The following ALPK2 variants were observed in gnomAD, a reference collection of about 807,000 sequenced individuals.
ALPK2 encodes alpha-protein kinase 2.
In ALPK2, 127 loss-of-function variants were observed where a neutral mutation model predicts 163.1. That is an observed-to-expected ratio of 0.78 (90% CI 0.67 to 0.90). The LOEUF (loss-of-function observed/expected upper bound fraction) is 0.90. Among genes scored for constraint, ALPK2 ranks in the 40% least tolerant of loss-of-function variants. The pLI is 0.00. For missense variants in ALPK2, 2,360 were observed against 2,589.6 expected (o/e 0.91, Z 1.92); for synonymous variants, 953 against 959.1 (o/e 0.99, Z 0.12).
At chr18:58,503,865 C>T in intron 11 of ALPK2, 66 bp downstream of exon 11, 2 of 1,478,984 alleles carry the variant, frequency 1.4e-6, no homozygotes, top group Non-Finnish European at 1.9e-6. Flanking sequence ...TCCCCTCCCT[C>T]TCCACCCACA....
At chr18:58,482,191 T>A (rs1602178685) in intron 12 of ALPK2, 152 bp from the exon 13 acceptor site, 2 of 633,476 alleles carry the variant, frequency 3.2e-6, no homozygotes, top group South Asian at 3.9e-5. Context: ...GACACAACTA[T>A]AAGTGAAGGT....
At chr18:58,602,504 C>T (rs1372932283) in intron 3 of ALPK2, among the ~76,000 whole-genome samples, 5 of 152,158 alleles carry the variant, frequency 3.3e-5, no homozygotes, top group South Asian at 2.1e-4. Context: ...CAATTTTTGG[C>T]ATGTCTCGGC....
intron 12 of ALPK2, among the ~76,000 whole-genome samples, chr18:58,484,937 TGA>T (rs1319034340): frequency 4.6e-5 from 7 of 152,124 alleles, no homozygotes; most frequent in African/African-American, 1.4e-4. Flanking sequence ...ACTTTGAAGC[TGA>T]GAGTCAAAGC....
At chr18:58,486,877 C>T (rs2051341517) in intron 12 of ALPK2, among the ~76,000 whole-genome samples, 1 of 152,206 alleles carries the variant, frequency 6.6e-6, no homozygotes, top group Admixed American at 6.5e-5. Context: ...CAGATTCATT[C>T]AAAGGACATG....
intron 10 of ALPK2, among the ~76,000 whole-genome samples, chr18:58,514,494 G>C (rs2051510768): frequency 1.3e-5 from 2 of 152,176 alleles, no homozygotes; most frequent in African/African-American, 4.8e-5. Context: ...AGATAAAAGT[G>C]GGTGTGATTT....
intron 3 of ALPK2, among the ~76,000 whole-genome samples, chr18:58,595,950 G>A (rs371828479): frequency 3.2e-4 from 48 of 152,228 alleles, no homozygotes; most frequent in African/African-American, 1.1e-3. Flanking sequence ...TTCCAGCTTG[G>A]TGACTCCAAC....
intron 3 of ALPK2, among the ~76,000 whole-genome samples, chr18:58,590,472 G>T (rs944750383): frequency 1.3e-5 from 2 of 152,176 alleles, no homozygotes; most frequent in African/African-American, 4.8e-5. Flanking sequence ...CAGCAGGGAG[G>T]GGGAAGAGGG....
intron 2 of ALPK2, among the ~76,000 whole-genome samples, chr18:58,609,326 A>G (rs1039732281): frequency 3.9e-5 from 6 of 152,110 alleles, no homozygotes; most frequent in African/African-American, 1.4e-4. Context: ...GACACCAAAA[A>G]ATGGGCTTCC....
At chr18:58,605,936 A>T (rs1430869768) in intron 3 of ALPK2, among the ~76,000 whole-genome samples, 1 of 152,252 alleles carries the variant, frequency 6.6e-6, no homozygotes, top group Non-Finnish European at 1.5e-5. Flanking sequence ...AATGCTTGGC[A>T]TATGTAGGTG....
rs747942526 is a variant in ALPK2, at chr18:58,579,250, C to G, written c.1526G>C (p.Ser509Thr). ...LSGESENSGM[S>T]QCWETAADKR... ...GTCAGCTGCCGTCTCCCAACACTGG[C>G]TCATCCCTGAGTTTTCTGACTCACC... Residue 509 changes from serine (S) to threonine (T), a missense_variant, in exon 4 of 13, where the codon AGC becomes ACC. Physicochemically the swap from Ser to Thr is moderately conservative, Grantham distance 58. Coordinates refer to ENST00000361673, the MANE Select transcript of ALPK2 (RefSeq NM_052947.4). 1.9e-6 allele frequency: 3 copies of G among 1,614,186 alleles called. No individual in the cohort carries two copies. The Admixed American group carries it at 5.0e-5, about 27-fold the overall frequency.
chr18:58,484,504 T>G (rs1372291923), intron 12 of ALPK2, among the ~76,000 whole-genome samples: 1 of 152,168 alleles, frequency 6.6e-6, no homozygotes, highest in Non-Finnish European at 1.5e-5. Context: ...ATAATAATAA[T>G]GCCCACTGAG....
intron 6 of ALPK2, among the ~76,000 whole-genome samples, chr18:58,527,804 A>G (rs73445154): frequency 0.046 from 6,974 of 152,312 alleles, 305 homozygotes; most frequent in African/African-American, 0.11. Context: ...TATGCTATCA[A>G]TTACAATCCA....
At chr18:58,545,641 A>G (rs1378645222) in intron 4 of ALPK2, among the ~76,000 whole-genome samples, 1 of 152,264 alleles carries the variant, frequency 6.6e-6, no homozygotes, top group African/African-American at 2.4e-5. Context: ...CCCTAGCTTC[A>G]ACTGGTCAGT....
intron 4 of ALPK2, among the ~76,000 whole-genome samples, chr18:58,545,528 G>C (rs893783992): frequency 1.3e-5 from 2 of 152,172 alleles, no homozygotes; most frequent in Admixed American, 1.3e-4. Context: ...TAGAGTGGGG[G>C]AGGGAGAATG....
chr18:58,484,442 A>C (rs1418812286), intron 12 of ALPK2, among the ~76,000 whole-genome samples: 1 of 152,198 alleles, frequency 6.6e-6, no homozygotes. Context: ...GTAAACCTGG[A>C]CAATAATTGG....
chr18:58,607,417 A>C lies in ALPK2; in HGVS notation c.132T>G (p.Thr44=), dbSNP rs369375452. The C allele has an allele frequency of 6.2e-6, 10 of 1,612,948 alleles. No individual in the cohort carries two copies. The African/African-American group carries it at 1.2e-4, about 19-fold the overall frequency. The change falls in exon 3 of 13, where the codon ACT becomes ACG. Residue 44 remains threonine, a synonymous_variant. Transcript: ENST00000361673. The part of the protein sequence containing the change: ...IISGQPKPEV[T]WYKNGQAIDG... ...CGATGGCCTGACCATTCTTATACCA[A>C]GTTACCTCTGGCTTGGGCTGACCTG... is the stretch of plus-strand genomic sequence containing the variant.
chr18:58,613,706 AAAAAT>A lies in ALPK2; in HGVS notation c.-20-1894_-20-1890del, dbSNP rs1242371784. Reference sequence around the variant, plus strand: ...AGAGCAAGACTCCATCTCAAAAAAAAAAAATAATAATAATAATAATAATAATAATA... The same window carrying A: ...AGAGCAAGACTCCATCTCAAAAAAAAAATAATAATAATAATAATAATAATA... On this transcript the variant is annotated intron_variant, in intron 1 of 12. Coordinates refer to ENST00000361673, the MANE Select transcript of ALPK2 (RefSeq NM_052947.4). Among the ~76,000 whole-genome samples, 15 of 86,774 alleles carry A rather than the reference AAAAAT, an allele frequency of 1.7e-4. 2 individuals carry two copies. Among genetic ancestry groups the A allele is most frequent in the South Asian group, 1.3e-3 (3 of 2,240 alleles). The allele number at this position is 86,774 out of a possible 152,430, so 56.9% of individuals were successfully genotyped here.
chr18:58,504,590 T>C (rs988477314), intron 10 of ALPK2, among the ~76,000 whole-genome samples: 3 of 152,222 alleles, frequency 2.0e-5, no homozygotes, highest in African/African-American at 7.2e-5. Flanking sequence ...TTCAGTGGCC[T>C]GTATGTGTCA....
chr18:58,555,672 A>G (rs2051786674), intron 4 of ALPK2, among the ~76,000 whole-genome samples: 1 of 152,180 alleles, frequency 6.6e-6, no homozygotes, highest in Non-Finnish European at 1.5e-5. Context: ...ACACTCCTGG[A>G]GAATGGGAGG....
Sources: gnomAD v4.1 joint callset for allele counts (sites outside exome capture counted in the v4.1 genomes callset) on GRCh38, gnomAD v4.1.1 for gene constraint, MANE v1.5 for transcripts, NCBI Gene and HGNC (gene_info 2026-07-23, HGNC 2026-07-21) for gene names.